The following KDM4B variants were observed in gnomAD, a reference collection of about 807,000 sequenced individuals.
KDM4B encodes the protein lysine-specific demethylase 4B.
A neutral mutation model predicts 125.2 loss-of-function variants in KDM4B; 32 were observed. That is an observed-to-expected ratio of 0.26 (90% CI 0.19 to 0.34). The LOEUF is 0.34. KDM4B is among the 10% of genes least tolerant of loss of function. The pLI, the probability that KDM4B is intolerant of heterozygous loss-of-function variation, is 1.00. For missense variants in KDM4B, 1,190 were observed against 1,577.7 expected, an observed-to-expected ratio of 0.75 and a Z score of 4.16; for synonymous variants, 721 against 677.9, an observed-to-expected ratio of 1.06 and a Z score of -0.99.
intron 9 of KDM4B, among the ~76,000 whole-genome samples, chr19:5,093,665 C>T (rs2038758252): frequency 6.6e-6 from 1 of 152,220 alleles, no homozygotes; most frequent in African/African-American, 2.4e-5. Context: ...TGTGCCAAGG[C>T]ACCTGCCACC....
intron 1 of KDM4B, among the ~76,000 whole-genome samples, chr19:5,003,116 T>G (rs965096007): frequency 1.3e-5 from 2 of 152,212 alleles, no homozygotes; most frequent in African/African-American, 2.4e-5. Context: ...CGCCGTTCAT[T>G]CTCGCAGAGG....
chr19:4,995,646 C>T (rs1291469361), intron 1 of KDM4B, among the ~76,000 whole-genome samples: 2 of 152,172 alleles, frequency 1.3e-5, no homozygotes, highest in Non-Finnish European at 2.9e-5. Flanking sequence ...GATCATTCAA[C>T]CCCAGGAATA....
intron 6 of KDM4B, among the ~76,000 whole-genome samples, chr19:5,048,596 G>C (rs905694352): frequency 6.7e-6 from 1 of 148,606 alleles, no homozygotes; most frequent in Non-Finnish European, 1.5e-5. Context: ...AGTTGTAAGC[G>C]GGGAGAGGGG....
intron 6 of KDM4B, among the ~76,000 whole-genome samples, chr19:5,051,732 G>A (rs1409296341): frequency 6.6e-6 from 1 of 152,370 alleles, no homozygotes; most frequent in African/African-American, 2.4e-5. Context: ...CCTGCACCCA[G>A]GTGAAGCCCC....
Position 5,135,318 on chromosome 19 carries a change from A to T in KDM4B, c.2086-21A>T, listed in dbSNP as rs753383267. 3.2e-6 allele frequency: 5 copies of T among 1,552,042 alleles called. No individual in the cohort carries two copies. The Admixed American group carries it at 8.4e-5, about 26-fold the overall frequency. On this transcript the variant is annotated intron_variant, in intron 14 of 22. Coordinates refer to ENST00000159111, the MANE Select transcript of KDM4B (RefSeq NM_015015.3). ...GCCCCACACATGGCTCTGTCCCCTG[A>T]AGGTCGCCTCTCCCCTACAGGCCCT...
At chr19:5,101,298 T>C (rs1311353046) in intron 9 of KDM4B, among the ~76,000 whole-genome samples, 5 of 151,866 alleles carry the variant, frequency 3.3e-5, no homozygotes, top group Non-Finnish European at 7.4e-5. Context: ...TAGTTTATTT[T>C]GATCTCTGGG....
rs940784869 is a variant in KDM4B, at chr19:5,112,120, G to C, written c.1115+1302G>C. On this transcript the variant is annotated intron_variant, in intron 10 of 22. Coordinates refer to ENST00000159111, the MANE Select transcript of KDM4B (RefSeq NM_015015.3). ...ATTTAAAAATCAGCTGGGTGTGGTG[G>C]TGTGCGCCTGTGGTCCCAACTACTG... 1.4e-5 allele frequency: 5 copies of C among 358,872 alleles called. No homozygotes were observed. The East Asian group carries it at 2.9e-4, about 21-fold the overall frequency. The allele number at this position is 358,872 out of a possible 1,614,324, so 22.2% of individuals were successfully genotyped here. A position where few individuals can be genotyped will look rare whatever the true frequency, so the allele number is the denominator to read the frequency against.
chr19:5,047,269 A>C (rs1599496118), intron 5 of KDM4B: 1 of 540,188 alleles, frequency 1.9e-6, no homozygotes, highest in Non-Finnish European at 3.3e-6. Context: ...CTGCCACTGC[A>C]CTCCAGCCTG....
intron 6 of KDM4B, among the ~76,000 whole-genome samples, chr19:5,066,791 T>A (rs2037783699): frequency 6.6e-6 from 1 of 152,122 alleles, no homozygotes; most frequent in African/African-American, 2.4e-5. Flanking sequence ...TATGACTTTG[T>A]GGTTTACTGT....
At chr19:5,126,314 G>C (rs952077337) in intron 11 of KDM4B, among the ~76,000 whole-genome samples, 1 of 152,012 alleles carries the variant, frequency 6.6e-6, no homozygotes, top group Non-Finnish European at 1.5e-5. Flanking sequence ...ATTGCCCAGC[G>C]CTAGGAGGGA....
At chr19:5,128,634 G>GCAGCCTCCC (rs1243456152) in intron 11 of KDM4B, among the ~76,000 whole-genome samples, 1 of 152,188 alleles carries the variant, frequency 6.6e-6, no homozygotes, top group Non-Finnish European at 1.5e-5. Flanking sequence ...TGCGGCCTCT[G>GCAGCCTCCC]CAGCCTCCCC....
chr19:5,088,299 C>T (rs1009877700), intron 9 of KDM4B, among the ~76,000 whole-genome samples: 6 of 152,192 alleles, frequency 3.9e-5, no homozygotes, highest in East Asian at 1.9e-4. Flanking sequence ...CAGCTCTTAG[C>T]GGCTCCTGCA....
At chr19:5,008,225 T>C (rs145928197) in intron 1 of KDM4B, among the ~76,000 whole-genome samples, 54 of 152,378 alleles carry the variant, frequency 3.5e-4, no homozygotes, top group African/African-American at 1.3e-3. Context: ...TCATTTTTTG[T>C]GTGTGAATAT....
rs1599578397 is a variant in KDM4B, at chr19:5,082,648, C to G, written c.918+144C>G. 2.2e-6 allele frequency: 2 copies of G among 916,628 alleles called. No individual in the cohort carries two copies. Among genetic ancestry groups the G allele is most frequent in the East Asian group, 2.9e-5 (1 of 34,926 alleles). The allele number at this position is 916,628 out of a possible 1,614,324, so 56.8% of individuals were successfully genotyped here. A position where few individuals can be genotyped will look rare whatever the true frequency, so the allele number is the denominator to read the frequency against. On this transcript the variant is annotated intron_variant, in intron 9 of 22. Transcript: ENST00000159111. This position sits in a 1 kb window ranked among gnomAD's most constrained non-coding sequence, Gnocchi z 5.4. ...CTCTCAACCAGGGTCTGATTCTGGG[C>G]TCCTCAGAGAGCTTTTGCCCAGAAC...
At chr19:5,095,984 G>C (rs1482858883) in intron 9 of KDM4B, among the ~76,000 whole-genome samples, 2 of 152,236 alleles carry the variant, frequency 1.3e-5, no homozygotes, top group African/African-American at 4.8e-5. Context: ...CTGCCGAAAA[G>C]TCAGCTTCAC....
chr19:5,151,368 T>C lies in KDM4B; in HGVS notation c.3148T>C (p.Phe1050Leu). The change falls in exon 23 of 23, where the codon TTC becomes CTC. Residue 1050 changes from phenylalanine to leucine, a missense_variant. Phe to Leu is a conservative substitution (Grantham distance 22). Coordinates refer to ENST00000159111, the MANE Select transcript of KDM4B (RefSeq NM_015015.3). ...CACGGGGGCACCGCAGGAGCCCGCC[T>C]TCTCGGGGGAGGAGGCCAAGGCCGC... Reference protein sequence around the residue: ...LSTGAPQEPAFSGEEAKAAKR... With the variant: ...LSTGAPQEPALSGEEAKAAKR... The C allele has an allele frequency of 6.3e-7, 1 of 1,585,180 alleles. No homozygotes were observed. The highest frequency in any genetic ancestry group is 1.4e-5 in the African/African-American group (1 of 72,906).
At chr19:5,107,342 T>G (rs1045704778) in intron 9 of KDM4B, among the ~76,000 whole-genome samples, 17 of 152,212 alleles carry the variant, frequency 1.1e-4, no homozygotes, top group African/African-American at 4.1e-4. Flanking sequence ...GGATGGTGCC[T>G]TCCTTATCTG....
chr19:4,994,565 CAA>C lies in KDM4B; in HGVS notation c.-108-21667_-108-21666del, dbSNP rs397820720. 8.8e-4 allele frequency among the ~76,000 whole-genome samples: 40 copies of C among 45,684 alleles called. 1 individual carries two copies. The highest frequency in any genetic ancestry group is 1.1e-3 in the Non-Finnish European group (28 of 25,356). The allele number at this position is 45,684 out of a possible 152,430, so 30.0% of individuals were successfully genotyped here. A position where few individuals can be genotyped will look rare whatever the true frequency, so the allele number is the denominator to read the frequency against. ...GCAACAAGAGTGAAACTCTGTCTCT[CAA>C]AAAAAAAAAAAAAAAAAAAAAAAAG... is the stretch of plus-strand genomic sequence containing the variant. On this transcript the variant is annotated intron_variant, in intron 1 of 22. Transcript: ENST00000159111.
At chr19:5,089,544 A>G (rs2038620802) in intron 9 of KDM4B, among the ~76,000 whole-genome samples, 1 of 151,732 alleles carries the variant, frequency 6.6e-6, no homozygotes, top group Admixed American at 6.6e-5. Context: ...GTGGACTGGG[A>G]CTCTTGTGAT....
Sources: allele counts gnomAD v4.1 joint callset (sites outside exome capture counted in the v4.1 genomes callset), GRCh38; gene constraint gnomAD v4.1.1; non-coding constraint Gnocchi (gnomAD v3.1); transcripts MANE v1.5; gene names NCBI Gene and HGNC (gene_info 2026-07-23, HGNC 2026-07-21).